DLG2: variants seen among roughly 807,000 people sequenced by gnomAD.
The protein encoded by DLG2 is discs large MAGUK scaffold protein 2.
A neutral mutation model predicts 132.5 loss-of-function variants in DLG2; 45 were observed. The observed-to-expected ratio is 0.34, with a 90% CI of 0.27 to 0.44. DLG2 has a LOEUF of 0.44. Ranked by LOEUF, DLG2 falls within the 20% of genes least tolerant of loss-of-function variation. The probability of loss-of-function intolerance (pLI) is 1.00; values close to 1 mark genes in which losing one functional copy is unlikely to be tolerated. For synonymous variants in DLG2, 424 were observed against 419.6 expected (o/e 1.01, Z -0.13); for missense variants, 1,045 against 1,196.9 (o/e 0.87, Z 1.87).
rs531430175 is a variant in DLG2, at chr11:83,495,458, A to C, written c.2194-11230T>G. Among the ~76,000 whole-genome samples, 143 of 152,258 alleles carry C rather than the reference A, an allele frequency of 9.4e-4. 2 individuals are homozygous for C. Among genetic ancestry groups the C allele is most frequent in the South Asian group, 8.9e-3 (43 of 4,826 alleles). ...TACTCTATCTTCAAAACTGAGCTTA[A>C]GGGTCATCTCATTTTCTCAACTTGA... On this transcript the variant is annotated intron_variant, in intron 21 of 27. Transcript: ENST00000376104.
At chr11:84,017,314 AAAGAG>A (rs1352458793) in intron 11 of DLG2, among the ~76,000 whole-genome samples, 3 of 152,092 alleles carry the variant, frequency 2.0e-5, no homozygotes, top group Admixed American at 6.6e-5. Flanking sequence ...ATAAACAAAT[AAAGAG>A]AAGAATAAAA....
At chr11:84,114,103 T>A (rs553665766) in intron 9 of DLG2, among the ~76,000 whole-genome samples, 2 of 152,092 alleles carry the variant, frequency 1.3e-5, no homozygotes, top group South Asian at 2.1e-4. Context: ...TTAATTTTTT[T>A]AAGTTACATT....
chr11:85,169,805 G>C (rs571783081), intron 4 of DLG2, among the ~76,000 whole-genome samples: 1 of 152,230 alleles, frequency 6.6e-6, no homozygotes, highest in African/African-American at 2.4e-5. Flanking sequence ...CAGAGAGTTC[G>C]ACCCTGTGCT....
At chr11:84,140,651 G>C (rs185841826) in intron 9 of DLG2, among the ~76,000 whole-genome samples, 1 of 152,068 alleles carries the variant, frequency 6.6e-6, no homozygotes, top group Non-Finnish European at 1.5e-5. Flanking sequence ...GAGAAGTATG[G>C]CTTATTTCCC....
At chr11:84,714,623 TTCTCTCTCTC>T (rs1284319609) in intron 6 of DLG2, among the ~76,000 whole-genome samples, 1 of 104,994 alleles carries the variant, frequency 9.5e-6, no homozygotes, top group African/African-American at 4.3e-5. Flanking sequence ...CTCTTTCTCT[TTCTCTCTCTC>T]TCTCTCTCTC....
chr11:83,842,773 G>A (rs1345175265), intron 16 of DLG2, among the ~76,000 whole-genome samples: 15 of 145,474 alleles, frequency 1.0e-4, no homozygotes, highest in South Asian at 2.2e-4. Flanking sequence ...CTGAGATCAC[G>A]CCACTGCACT....
intron 3 of DLG2, among the ~76,000 whole-genome samples, chr11:85,399,469 C>T (rs917777065): frequency 6.0e-5 from 9 of 150,452 alleles, no homozygotes; most frequent in Non-Finnish European, 8.9e-5. Context: ...GCCCGCATCA[C>T]CAAGTCAACC....
intron 3 of DLG2, among the ~76,000 whole-genome samples, chr11:85,513,741 C>T (rs954043885): frequency 2.6e-5 from 4 of 151,840 alleles, no homozygotes; most frequent in African/African-American, 9.7e-5. Flanking sequence ...TGCTGTCATG[C>T]CATTAGAAGT....
chr11:84,697,686 G>A (rs936725602), intron 6 of DLG2, among the ~76,000 whole-genome samples: 4 of 151,318 alleles, frequency 2.6e-5, no homozygotes, highest in East Asian at 2.0e-4. Flanking sequence ...GTTAAAGAAC[G>A]AAAGCTTTGA....
At chr11:84,522,396 G>C (rs1472461944) in intron 7 of DLG2, among the ~76,000 whole-genome samples, 2 of 152,118 alleles carry the variant, frequency 1.3e-5, no homozygotes, top group Non-Finnish European at 2.9e-5. Flanking sequence ...GGTGGGAGGT[G>C]GGGAGTTGTT....
At chr11:85,269,856 T>G (rs1016712022) in intron 4 of DLG2, among the ~76,000 whole-genome samples, 1 of 152,166 alleles carries the variant, frequency 6.6e-6, no homozygotes, top group African/African-American at 2.4e-5. Context: ...TTATTTAAAT[T>G]TTCTGTATCT....
At chr11:83,614,873 G>T (rs562919434) in intron 19 of DLG2, among the ~76,000 whole-genome samples, 6 of 152,336 alleles carry the variant, frequency 3.9e-5, no homozygotes, top group African/African-American at 1.2e-4. Flanking sequence ...TATCTAATTA[G>T]TCCAATATTT....
intron 19 of DLG2, among the ~76,000 whole-genome samples, chr11:83,602,557 T>A (rs986852622): frequency 2.0e-4 from 30 of 152,188 alleles, no homozygotes; most frequent in African/African-American, 7.2e-4. Flanking sequence ...AAGAAAGAGA[T>A]TGGGGCAGAA....
intron 18 of DLG2, among the ~76,000 whole-genome samples, chr11:83,638,612 G>T (rs2065480814): frequency 6.6e-6 from 1 of 152,022 alleles, no homozygotes; most frequent in South Asian, 2.1e-4. Flanking sequence ...TGCTCCTAGA[G>T]CCCCCTGTTA....
chr11:84,730,134 T>C (rs569769385), intron 6 of DLG2, among the ~76,000 whole-genome samples: 8 of 152,166 alleles, frequency 5.3e-5, no homozygotes, highest in East Asian at 1.9e-4. Context: ...TTAGGCCTCA[T>C]TGTTCACCAA....
chr11:85,523,663 C>T (rs1184316955), intron 3 of DLG2, among the ~76,000 whole-genome samples: 1 of 152,194 alleles, frequency 6.6e-6, no homozygotes, highest in African/African-American at 2.4e-5. Flanking sequence ...CCATGGAGAG[C>T]AGTTTGGAGA....
At position 83,466,736 on chromosome 11, in the gene DLG2, T is replaced by C. The variant is rs1484400112; in HGVS notation, c.2701A>G (p.Ile901Val). Residue 901 changes from isoleucine (I) to valine (V), a missense_variant, in exon 26 of 28, where the codon ATA becomes GTA. This residue lies in a region of DLG2 where 398 missense variants were observed against 543.6 expected (regional missense o/e 0.73). Coordinates refer to ENST00000376104, the MANE Select transcript of DLG2 (RefSeq NM_001142699.3). The part of the protein sequence containing the change: ...VAQLYPIAIF[I>V]KPRSLEPLME... ...AGAGGTTCCAGAGACCTGGGTTTTATGAAGATGGCAATGGGATAGAGCTGG... is the reference window on the plus strand; with the variant it reads ...AGAGGTTCCAGAGACCTGGGTTTTACGAAGATGGCAATGGGATAGAGCTGG... 2.5e-6 allele frequency: 4 copies of C among 1,613,488 alleles called. No homozygotes were observed. The highest frequency in any genetic ancestry group is 3.4e-6 in the Non-Finnish European group (4 of 1,179,424).
chr11:85,462,374 C>A (rs1055019332), intron 3 of DLG2, among the ~76,000 whole-genome samples: 1 of 152,166 alleles, frequency 6.6e-6, no homozygotes, highest in Non-Finnish European at 1.5e-5. Flanking sequence ...TGGCACTATT[C>A]ACAATAGCAA....
At chr11:83,745,354 T>C (rs2092827378) in intron 18 of DLG2, among the ~76,000 whole-genome samples, 1 of 152,222 alleles carries the variant, frequency 6.6e-6, no homozygotes, top group Non-Finnish European at 1.5e-5. Flanking sequence ...TCTTCTGTTC[T>C]ACTCTAATCC....
Sources: gnomAD v4.1 joint callset for allele counts (sites outside exome capture counted in the v4.1 genomes callset) on GRCh38, gnomAD v4.1.1 for gene constraint, gnomAD v4.1.1 regional missense constraint, MANE v1.5 for transcripts, NCBI Gene and HGNC (gene_info 2026-07-23, HGNC 2026-07-21) for gene names.